COL12A1: variants seen among roughly 807,000 people sequenced by gnomAD.
COL12A1 encodes the protein collagen alpha-1(XII) chain.
A neutral mutation model predicts 349.7 loss-of-function variants in COL12A1; 114 were observed. The ratio of observed to expected loss-of-function variants is 0.33; its 90% CI spans 0.28 to 0.38. COL12A1 has a LOEUF of 0.38. Ranked by LOEUF, COL12A1 falls within the 10% of genes least tolerant of loss-of-function variation. COL12A1 has a pLI of 1.00. For missense variants in COL12A1, 3,284 were observed against 3,756.9 expected (o/e 0.87, Z 3.29); for synonymous variants, 1,369 against 1,329.0 (o/e 1.03, Z -0.66).
intron 33 of COL12A1, 121 bp from the exon 34 acceptor site, chr6:75,133,543 G>A (rs781235894): frequency 7.7e-5 from 76 of 989,424 alleles, no homozygotes; most frequent in Middle Eastern, 6.3e-4. Flanking sequence ...ATATTAGGAT[G>A]TCATAATAAG....
At position 75,142,180 on chromosome 6, in the gene COL12A1, A is replaced by G. The variant is rs1766928289; in HGVS notation, c.4828-19T>C. ...CCTCTACCTATAACAGTAACAGAGCAGTGGAACTACTTTTACAAAGGGTTT... is the reference window on the plus strand; with the variant it reads ...CCTCTACCTATAACAGTAACAGAGCGGTGGAACTACTTTTACAAAGGGTTT... On this transcript the variant is annotated intron_variant, in intron 26 of 65. Coordinates refer to ENST00000322507, the MANE Select transcript of COL12A1 (RefSeq NM_004370.6). 1 of 1,613,850 alleles carries G rather than the reference A, an allele frequency of 6.2e-7. No individual in the cohort carries two copies.
At chr6:75,095,208 G>C in intron 59 of COL12A1, 29 bp from the exon 60 acceptor site, 1 of 1,569,436 alleles carries the variant, frequency 6.4e-7, no homozygotes, top group Non-Finnish European at 8.8e-7. Context: ...GAAGGGGACT[G>C]TTATGACAAA....
chr6:75,167,127 T>A (rs1455008251), intron 13 of COL12A1, among the ~76,000 whole-genome samples: 1 of 152,222 alleles, frequency 6.6e-6, no homozygotes, highest in African/African-American at 2.4e-5. Context: ...CTTCTTTAGC[T>A]GTCTTTACTA....
chr6:75,165,239 T>C (rs773103908), intron 14 of COL12A1, among the ~76,000 whole-genome samples: 1 of 152,042 alleles, frequency 6.6e-6, no homozygotes, highest in Non-Finnish European at 1.5e-5. Context: ...TTTTACTAGT[T>C]GGGTATTCTA....
At chr6:75,176,010 T>C (rs1269410183) in intron 12 of COL12A1, among the ~76,000 whole-genome samples, 2 of 151,774 alleles carry the variant, frequency 1.3e-5, no homozygotes, top group African/African-American at 4.8e-5. Context: ...CTCCAGAAAA[T>C]AGAAAGATAA....
At chr6:75,186,321 A>G (rs1769617383) in intron 8 of COL12A1, among the ~76,000 whole-genome samples, 1 of 152,236 alleles carries the variant, frequency 6.6e-6, no homozygotes, top group African/African-American at 2.4e-5. Context: ...ATAAACAGAC[A>G]CTTTTCAAAA....
intron 33 of COL12A1, among the ~76,000 whole-genome samples, 174 bp from the exon 34 acceptor site, chr6:75,133,596 C>A (rs980678457): frequency 9.9e-5 from 15 of 152,116 alleles, no homozygotes; most frequent in African/African-American, 3.6e-4. Flanking sequence ...TTTCCCTATA[C>A]CCCTCCAGCC....
intron 12 of COL12A1, 140 bp downstream of exon 12, chr6:75,177,523 A>G: frequency 1.0e-6 from 1 of 964,204 alleles, no homozygotes; most frequent in Non-Finnish European, 1.5e-6. Flanking sequence ...TTTAACTTAA[A>G]TCTAAAAGGA....
At chr6:75,171,190 G>T (rs983405930) in intron 13 of COL12A1, among the ~76,000 whole-genome samples, 7 of 152,116 alleles carry the variant, frequency 4.6e-5, no homozygotes, top group African/African-American at 1.7e-4. Flanking sequence ...TAATTACATT[G>T]TCTAACTGCT....
Position 75,090,585 on chromosome 6 carries a change from T to G in COL12A1, c.8753-287A>C, listed in dbSNP as rs182842630. Among the ~76,000 whole-genome samples the G allele has an allele frequency of 2.0e-3, 309 of 152,340 alleles. No homozygotes were observed. Among genetic ancestry groups the G allele is most frequent in the Non-Finnish European group, 3.9e-3 (265 of 68,022 alleles). On this transcript the variant is annotated intron_variant, in intron 62 of 65. Transcript: ENST00000322507. The surrounding 1 kb of genome is among the most constrained non-coding windows in gnomAD (Gnocchi z 4.1). ...TTAATATGGCTCTGAAATAAAGTCTTGAGATTTACCAGGTGACATCACTCA... is the reference window on the plus strand; with the variant it reads ...TTAATATGGCTCTGAAATAAAGTCTGGAGATTTACCAGGTGACATCACTCA...
At chr6:75,170,286 A>G (rs1768555176) in intron 13 of COL12A1, among the ~76,000 whole-genome samples, 1 of 152,220 alleles carries the variant, frequency 6.6e-6, no homozygotes, top group South Asian at 2.1e-4. Flanking sequence ...TCAAAAATAG[A>G]AGTTAAATTG....
intron 13 of COL12A1, among the ~76,000 whole-genome samples, chr6:75,167,911 C>A (rs796794129): frequency 5.3e-5 from 8 of 152,218 alleles, no homozygotes; most frequent in African/African-American, 1.9e-4. Flanking sequence ...AATTAAAAAT[C>A]AACTAAAAAA....
intron 25 of COL12A1, among the ~76,000 whole-genome samples, chr6:75,144,150 C>T (rs1446390543): frequency 1.3e-5 from 2 of 152,164 alleles, no homozygotes; most frequent in Non-Finnish European, 2.9e-5. Context: ...GCCCTCCATT[C>T]CTCTACTGTT....
rs1200963582 is a variant in COL12A1 at position 75,130,874 on chromosome 6, G to A, written c.6045C>T (p.Pro2015=). The A allele has an allele frequency of 4.3e-6, 7 of 1,613,926 alleles. No individual in the cohort carries two copies. In the South Asian group the frequency reaches 7.7e-5, roughly 18 times the overall value. ...CACGCGTTCGGCCCTGGGCAGGGCT[G>A]GGATTTCCCTCTCCATCCGAGTACA... ...VALYSDGEGN[P]SPAQGRTLPR... The change falls in exon 36 of 66, where the codon CCC becomes CCT. Residue 2015 remains proline (P), a synonymous_variant. Transcript: ENST00000322507.
intron 52 of COL12A1, among the ~76,000 whole-genome samples, chr6:75,108,716 G>A (rs118120000): frequency 6.6e-6 from 1 of 152,296 alleles, no homozygotes; most frequent in East Asian, 1.9e-4. Flanking sequence ...ATTTCACTGG[G>A]TATGTTGGCA....
In COL12A1 at chr6:75,175,144, C is replaced by A. The variant is rs554348257; in HGVS notation, c.2604G>T (p.Thr868=). ...TCCCTTCCTTCAATCCCTGCAGCAC[C>A]GTATTGGTTGTATCTCCCCTCACAG... The part of the protein sequence containing the change: ...EVTVRGDTTN[T]VLQGLKEGTQ... Residue 868 remains threonine, a synonymous_variant, in exon 13 of 66, where the codon ACG becomes ACT. Coordinates refer to ENST00000322507, the MANE Select transcript of COL12A1 (RefSeq NM_004370.6). The A allele has an allele frequency of 6.8e-6, 11 of 1,614,128 alleles. No homozygotes were observed. In the South Asian group the frequency reaches 1.2e-4, roughly 18 times the overall value.
rs530770080 is a variant in COL12A1 at position 75,106,376 on chromosome 6, G to A, written c.8178+43C>T. The A allele has an allele frequency of 1.1e-4, 163 of 1,505,104 alleles. 2 individuals carry two copies. In the South Asian group the frequency reaches 1.6e-3, roughly 14 times the overall value. The allele number at this position is 1,505,104 out of a possible 1,614,324, so 93.2% of individuals were successfully genotyped here. The stretch of plus-strand genomic sequence containing the variant: ...CCAGGCACAAGGGTTTATTACTGGG[G>A]GACTGTTAAAGCCATGGCAGAATTC... On this transcript the variant is annotated intron_variant, in intron 53 of 65. Transcript: ENST00000322507.
intron 23 of COL12A1, 70 bp downstream of exon 23, chr6:75,147,605 G>T (rs1461338371): frequency 1.3e-5 from 18 of 1,396,406 alleles, no homozygotes; most frequent in Non-Finnish European, 1.5e-5. Flanking sequence ...TGGAAGGTAG[G>T]CAAAAATGGG....
At chr6:75,175,541 A>T (rs564121025) in intron 12 of COL12A1, among the ~76,000 whole-genome samples, 2 of 152,332 alleles carry the variant, frequency 1.3e-5, no homozygotes, top group East Asian at 3.9e-4. Context: ...GTGTTTACAA[A>T]GGTTAAAATC....
Sources: allele counts gnomAD v4.1 joint callset (sites outside exome capture counted in the v4.1 genomes callset), GRCh38; gene constraint gnomAD v4.1.1; non-coding constraint Gnocchi (gnomAD v3.1); transcripts MANE v1.5; gene names NCBI Gene and HGNC (gene_info 2026-07-23, HGNC 2026-07-21).